POMK: variants seen among roughly 807,000 people sequenced by gnomAD.
POMK encodes Sugen kinase 196.
A neutral mutation model predicts 23.0 loss-of-function variants in POMK; 19 were observed. The ratio of observed to expected loss-of-function variants is 0.83; its 90% CI spans 0.58 to 1.21. The LOEUF (loss-of-function observed/expected upper bound fraction) is 1.21, where lower values mean the gene tolerates loss of function less well. POMK is among the 50% of genes most tolerant of loss of function. POMK has a pLI of 0.00. For missense variants in POMK, 410 were observed against 431.3 expected (o/e 0.95, Z 0.44); for synonymous variants, 173 against 171.6 (o/e 1.01, Z -0.06).
At chr8:43,110,897 G>T (rs1473545058) in intron 4 of POMK, among the ~76,000 whole-genome samples, 2 of 152,050 alleles carry the variant, frequency 1.3e-5, no homozygotes, top group Non-Finnish European at 2.9e-5. Flanking sequence ...TCCAGCCTGG[G>T]GTACAAGAGT....
chr8:43,102,220 A>G (rs1355108929), intron 2 of POMK, among the ~76,000 whole-genome samples: 1 of 152,228 alleles, frequency 6.6e-6, no homozygotes, highest in East Asian at 1.9e-4. Context: ...GAATGTCTCC[A>G]GCACCCACTG....
At chr8:43,113,256 C>T (rs544476436) in intron 4 of POMK, among the ~76,000 whole-genome samples, 10 of 152,294 alleles carry the variant, frequency 6.6e-5, no homozygotes, top group South Asian at 4.1e-4. Context: ...ACCAATCAGA[C>T]GTAGATTTGG....
At chr8:43,104,191 C>T (rs868550906) in intron 4 of POMK, among the ~76,000 whole-genome samples, 15 of 151,958 alleles carry the variant, frequency 9.9e-5, no homozygotes, top group Non-Finnish European at 1.9e-4. Flanking sequence ...GGCGCCATCT[C>T]GGTGCACTGC....
At position 43,103,782 on chromosome 8, in the gene POMK, A is replaced by G. The variant is rs1811493659; in HGVS notation, c.234A>G (p.Arg78=). The part of the protein sequence containing the change: ...CSPWLSCEEL[R]TEVRQLKRVG... ...CTTGGCTGTCCTGCGAGGAGCTGAGAACAGAAGTGAGACAGCTGAAGCGTG... is the reference window on the plus strand; with the variant it reads ...CTTGGCTGTCCTGCGAGGAGCTGAGGACAGAAGTGAGACAGCTGAAGCGTG... Residue 78 remains arginine, a synonymous_variant, in exon 4 of 5, where the codon AGA becomes AGG. Coordinates refer to ENST00000331373, the MANE Select transcript of POMK (RefSeq NM_032237.5). 1.2e-6 allele frequency: 2 copies of G among 1,614,258 alleles called. No homozygotes were observed. Among genetic ancestry groups the G allele is most frequent in the Admixed American group, 3.3e-5 (2 of 60,034 alleles).
chr8:43,107,617 C>T (rs556147044), intron 4 of POMK, among the ~76,000 whole-genome samples: 1 of 152,076 alleles, frequency 6.6e-6, no homozygotes, highest in Non-Finnish European at 1.5e-5. Context: ...TCGTGATCTG[C>T]CTGCCTTGGT....
chr8:43,120,475 C>T (rs971559618), intron 4 of POMK, among the ~76,000 whole-genome samples: 2 of 151,994 alleles, frequency 1.3e-5, no homozygotes, highest in Admixed American at 6.6e-5. Context: ...CCTGCCTTGG[C>T]TTCCAAAAGT....
At chr8:43,103,488 AGCTGACT>A in intron 3 of POMK, 33 bp from the exon 4 acceptor site, 1 of 1,589,442 alleles carries the variant, frequency 6.3e-7, no homozygotes. Flanking sequence ...AGGAAGTGAA[AGCTGACT>A]GTCATGACTT....
chr8:43,107,793 G>A (rs1355701107), intron 4 of POMK, among the ~76,000 whole-genome samples: 1 of 152,018 alleles, frequency 6.6e-6, no homozygotes, highest in African/African-American at 2.4e-5. Context: ...CAATTCTTCT[G>A]CCTCAGCCTC....
At chr8:43,104,917 G>A (rs1811516680) in intron 4 of POMK, among the ~76,000 whole-genome samples, 1 of 152,040 alleles carries the variant, frequency 6.6e-6, no homozygotes, top group Non-Finnish European at 1.5e-5. Flanking sequence ...GGGTGACAGA[G>A]CAAGATGCTG....
In POMK at chr8:43,114,643, C is replaced by A. The variant is rs1026424834; in HGVS notation, c.283-7464C>A. On this transcript the variant is annotated intron_variant, in intron 4 of 4. Transcript: ENST00000331373. ...TGTCCTGCACCCACTGTCTGGCACT[C>A]CCTAGTGAGGTGAACCTGGTACCTC... Among the ~76,000 whole-genome samples the A allele has an allele frequency of 3.3e-5, 5 of 152,370 alleles. No homozygotes were observed. The South Asian group carries it at 8.3e-4, about 25-fold the overall frequency.
chr8:43,096,316 G>T (rs369181659), intron 1 of POMK, among the ~76,000 whole-genome samples: 1 of 152,138 alleles, frequency 6.6e-6, no homozygotes, highest in Non-Finnish European at 1.5e-5. Context: ...TGGGCCGAGT[G>T]GGGGGCTGTT....
chr8:43,103,794 A>T lies in POMK; in HGVS notation c.246A>T (p.Arg82Ser). Residue 82 changes from arginine (R) to serine (S), a missense_variant, in exon 4 of 5, where the codon AGA becomes AGT. Transcript: ENST00000331373. The part of the protein sequence containing the change: ...LSCEELRTEV[R>S]QLKRVGEGAV... ...GCGAGGAGCTGAGAACAGAAGTGAG[A>T]CAGCTGAAGCGTGTTGGGGAAGGAG... The T allele has an allele frequency of 6.2e-7, 1 of 1,614,250 alleles. No homozygotes were observed. Among genetic ancestry groups the T allele is most frequent in the Non-Finnish European group, 8.5e-7 (1 of 1,180,040 alleles).
intron 2 of POMK, among the ~76,000 whole-genome samples, chr8:43,100,247 G>A (rs528192630): frequency 2.4e-4 from 36 of 152,282 alleles, no homozygotes; most frequent in African/African-American, 8.2e-4. Context: ...CTCAGAGCAT[G>A]TGGTGATGAG....
chr8:43,107,031 C>A (rs190390804), intron 4 of POMK, among the ~76,000 whole-genome samples: 1 of 152,096 alleles, frequency 6.6e-6, no homozygotes, highest in East Asian at 1.9e-4. Context: ...CCAAGGCTTT[C>A]GTGACAAAGG....
At chr8:43,118,493 A>G (rs560453698) in intron 4 of POMK, among the ~76,000 whole-genome samples, 6 of 152,216 alleles carry the variant, frequency 3.9e-5, no homozygotes, top group Admixed American at 1.3e-4. Context: ...TTGAGTTTTT[A>G]CCAAGAAAAG....
At chr8:43,119,639 T>TA (rs1811871497) in intron 4 of POMK, among the ~76,000 whole-genome samples, 2 of 151,834 alleles carry the variant, frequency 1.3e-5, no homozygotes, top group African/African-American at 2.4e-5. Context: ...TTCACCATGT[T>TA]GCCAGGCTGG....
intron 4 of POMK, among the ~76,000 whole-genome samples, chr8:43,120,530 C>T (rs954176764): frequency 6.6e-6 from 1 of 151,844 alleles, no homozygotes; most frequent in African/African-American, 2.4e-5. Flanking sequence ...CGTACCATTA[C>T]TTTTATCTGT....
At chr8:43,113,958 C>T (rs542286134) in intron 4 of POMK, among the ~76,000 whole-genome samples, 309 of 152,318 alleles carry the variant, frequency 2.0e-3, no homozygotes, top group African/African-American at 7.1e-3. Flanking sequence ...GCTGTCTGAT[C>T]GTTCCTCTGG....
intron 4 of POMK, among the ~76,000 whole-genome samples, chr8:43,112,672 G>A (rs1811700747): frequency 2.0e-5 from 3 of 152,168 alleles, no homozygotes; most frequent in Admixed American, 1.3e-4. Context: ...GAGAAAGGTC[G>A]GGTTACCCAC....
Sources: gnomAD v4.1 joint callset for allele counts (sites outside exome capture counted in the v4.1 genomes callset) on GRCh38, gnomAD v4.1.1 for gene constraint, MANE v1.5 for transcripts, NCBI Gene and HGNC (gene_info 2026-07-23, HGNC 2026-07-21) for gene names.